ASCC3: variants seen among roughly 807,000 people sequenced by gnomAD.
ASCC3 encodes the protein activating signal cointegrator 1 complex subunit 3, also known as ASC-1 complex subunit P200.
Under a neutral mutation model 256.3 loss-of-function variants are expected in ASCC3, and 158 were observed. That is an observed-to-expected ratio of 0.62 (90% CI 0.54 to 0.70). ASCC3 has a LOEUF of 0.70. Among genes scored for constraint, ASCC3 ranks in the 30% least tolerant of loss-of-function variants. ASCC3 has a pLI of 0.00. For missense variants in ASCC3, 2,259 were observed against 2,626.0 expected, an observed-to-expected ratio of 0.86 and a Z score of 3.05; for synonymous variants, 948 against 883.4, an observed-to-expected ratio of 1.07 and a Z score of -1.30.
chr6:100,870,045 A>C (rs1162716863), intron 1 of ASCC3, among the ~76,000 whole-genome samples: 1 of 152,200 alleles, frequency 6.6e-6, no homozygotes, highest in African/African-American at 2.4e-5. Flanking sequence ...GTCTAACATC[A>C]AAGTAAAAGT....
chr6:100,661,881 G>A lies in ASCC3; in HGVS notation c.2628C>T (p.Tyr876=), dbSNP rs746494322. The change falls in exon 16 of 42, where the codon TAC becomes TAT. Residue 876 remains tyrosine, a synonymous_variant. Coordinates refer to ENST00000369162, the MANE Select transcript of ASCC3 (RefSeq NM_006828.4). ...GGTTTCGTTGAGTGAGCAAAGTGAG[G>A]TAATGGCTGAGTTTATCATGCGTTG... ...IITTHDKLSH[Y]LTLLTQRNPI... 11 of 1,613,344 alleles carry A rather than the reference G, an allele frequency of 6.8e-6. No individual in the cohort carries two copies. In the South Asian group the frequency reaches 1.1e-4, roughly 16 times the overall value.
At chr6:100,776,187 A>G (rs1412469766) in intron 8 of ASCC3, among the ~76,000 whole-genome samples, 1 of 152,094 alleles carries the variant, frequency 6.6e-6, no homozygotes, top group Non-Finnish European at 1.5e-5. Context: ...AAAACATTTC[A>G]TATTGATTTT....
intron 13 of ASCC3, among the ~76,000 whole-genome samples, chr6:100,696,921 C>T (rs1377366360): frequency 2.6e-5 from 4 of 151,994 alleles, no homozygotes; most frequent in Non-Finnish European, 5.9e-5. Flanking sequence ...TATATATGCA[C>T]ACTGTAATAT....
chr6:100,575,948 C>G (rs1770836786), intron 36 of ASCC3, among the ~76,000 whole-genome samples: 1 of 152,086 alleles, frequency 6.6e-6, no homozygotes, highest in South Asian at 2.1e-4. Flanking sequence ...ACTTTCTACT[C>G]TGGACTTCGG....
intron 14 of ASCC3, among the ~76,000 whole-genome samples, chr6:100,670,715 C>T (rs941056385): frequency 2.0e-5 from 3 of 151,886 alleles, no homozygotes; most frequent in Admixed American, 6.6e-5. Context: ...TCTGTAACAA[C>T]TGCTGGAGGA....
At position 100,767,237 on chromosome 6, in the gene ASCC3, C is replaced by G. The variant is rs1781698472; in HGVS notation, c.1504G>C (p.Gly502Arg). 1 of 1,613,938 alleles carries G rather than the reference C, an allele frequency of 6.2e-7. No homozygotes were observed. Among genetic ancestry groups the G allele is most frequent in the African/African-American group, 1.3e-5 (1 of 74,894 alleles). ...ATTGCAATGTTGGTTTTTCCAGCTC[C>G]TGTAGGGGCACAAATCAGCATGTTC... ...NENMLICAPTGAGKTNIAMLT... is the reference protein window; with the variant it reads ...NENMLICAPTRAGKTNIAMLT... The change falls in exon 9 of 42, where the codon GGA (glycine) becomes CGA (arginine). Residue 502 changes from glycine (G) to arginine (R), a missense_variant. Transcript: ENST00000369162.
intron 37 of ASCC3, chr6:100,530,930 T>C: frequency 7.3e-7 from 1 of 1,368,548 alleles, no homozygotes; most frequent in South Asian, 1.2e-5. Context: ...TCTTTTAGAC[T>C]TCAGTACAGT....
In ASCC3 at chr6:100,645,570, G is replaced by A. The variant is rs184754224; in HGVS notation, c.3633+1045C>T. Among the ~76,000 whole-genome samples the A allele has an allele frequency of 3.7e-4, 57 of 152,224 alleles. No individual in the cohort carries two copies. In the South Asian group the frequency reaches 4.6e-3, roughly 12 times the overall value. On this transcript the variant is annotated intron_variant, in intron 22 of 41. Coordinates refer to ENST00000369162, the MANE Select transcript of ASCC3 (RefSeq NM_006828.4). ...TACAATAACGTGTGAAATAGGCACT[G>A]CTATACTATAAATAGTGACTTCCTT...
intron 13 of ASCC3, among the ~76,000 whole-genome samples, chr6:100,708,545 CG>C (rs1778714231): frequency 6.6e-6 from 1 of 152,062 alleles, no homozygotes; most frequent in African/African-American, 2.4e-5. Context: ...TTATGTACCC[CG>C]GGGAACATCT....
intron 13 of ASCC3, among the ~76,000 whole-genome samples, chr6:100,688,850 C>CAACT (rs1217028625): frequency 5.9e-5 from 9 of 152,048 alleles, no homozygotes; most frequent in Non-Finnish European, 8.8e-5. Context: ...ATTACATGAA[C>CAACT]AACTATAGGA....
chr6:100,736,759 G>A (rs1780189224), intron 10 of ASCC3, among the ~76,000 whole-genome samples: 2 of 152,142 alleles, frequency 1.3e-5, no homozygotes, highest in Non-Finnish European at 2.9e-5. Context: ...AGGAAGGGTG[G>A]GATCTTAATG....
chr6:100,853,607 G>C (rs1444437285), intron 3 of ASCC3, among the ~76,000 whole-genome samples: 1 of 152,062 alleles, frequency 6.6e-6, no homozygotes, highest in Non-Finnish European at 1.5e-5. Context: ...TGGGAGTACA[G>C]GCACACGCCA....
chr6:100,604,345 T>C (rs1359819881), intron 33 of ASCC3, among the ~76,000 whole-genome samples: 1 of 152,122 alleles, frequency 6.6e-6, no homozygotes, highest in Non-Finnish European at 1.5e-5. Context: ...TCTCTAGTTA[T>C]GTTTATTTTC....
chr6:100,867,870 A>G, intron 2 of ASCC3, 38 bp downstream of exon 2: 1 of 1,480,778 alleles, frequency 6.8e-7, no homozygotes, highest in East Asian at 2.3e-5. Context: ...GTCTGTGTTT[A>G]TAATAATGTT....
intron 36 of ASCC3, among the ~76,000 whole-genome samples, chr6:100,558,072 A>C (rs894190468): frequency 8.4e-6 from 1 of 119,676 alleles, no homozygotes; most frequent in Non-Finnish European, 1.7e-5. Flanking sequence ...CACTTCTTTG[A>C]AAAAAAAAAA....
intron 36 of ASCC3, among the ~76,000 whole-genome samples, chr6:100,579,817 T>C (rs987212756): frequency 3.3e-5 from 5 of 152,170 alleles, no homozygotes; most frequent in African/African-American, 1.2e-4. Context: ...TCCAGCTCTT[T>C]TTGGATCCAT....
At chr6:100,587,564 C>A (rs1294229670) in intron 36 of ASCC3, among the ~76,000 whole-genome samples, 1 of 152,120 alleles carries the variant, frequency 6.6e-6, no homozygotes, top group Admixed American at 6.5e-5. Flanking sequence ...CAATATCTAG[C>A]GCAAGCTGAA....
In ASCC3 at chr6:100,589,761, C is replaced by A. The variant is rs371661297; in HGVS notation, c.5423G>T (p.Arg1808Leu). ...GCCATAAGTTAGAGGTTCAATGCTGCGATTATCCTATTTCAAAAGAATAAC... is the reference window on the plus strand; with the variant it reads ...GCCATAAGTTAGAGGTTCAATGCTGAGATTATCCTATTTCAAAAGAATAAC... ...SYCIEIGEDN[R>L]SIEPLTYGRI... Residue 1808 changes from arginine to leucine, a missense_variant, in exon 36 of 42, where the codon CGC becomes CTC. By Grantham distance (102) the Arg-to-Leu change is moderately radical. Around this residue, in one of 2 missense-constraint regions of ASCC3, gnomAD observed 1,839 missense variants for 2,206.7 expected, o/e 0.83. Transcript: ENST00000369162. 8 of 1,613,260 alleles carry A rather than the reference C, an allele frequency of 5.0e-6. No individual in the cohort carries two copies. The African/African-American group carries it at 8.0e-5, about 16-fold the overall frequency.
intron 10 of ASCC3, among the ~76,000 whole-genome samples, chr6:100,742,544 C>T (rs1582794141): frequency 6.6e-6 from 1 of 152,136 alleles, no homozygotes; most frequent in East Asian, 1.9e-4. Context: ...AGATCAGAGC[C>T]CTGTCTGTAT....
Sources: gnomAD v4.1 joint callset for allele counts (sites outside exome capture counted in the v4.1 genomes callset) on GRCh38, gnomAD v4.1.1 for gene constraint, gnomAD v4.1.1 regional missense constraint, MANE v1.5 for transcripts, NCBI Gene and HGNC (gene_info 2026-07-23, HGNC 2026-07-21) for gene names.